Variants in R3HCC1L observed in about 807,000 individuals in gnomAD.
R3HCC1L encodes the protein R3H domain and coiled-coil containing 1 like, also known as coiled-coil domain-containing protein R3HCC1L.
Under a neutral mutation model 59.9 loss-of-function variants are expected in R3HCC1L, and 51 were observed. The ratio of observed to expected loss-of-function variants is 0.85; its 90% CI spans 0.68 to 1.07. The LOEUF (loss-of-function observed/expected upper bound fraction) is 1.07. R3HCC1L is among the 50% of genes least tolerant of loss of function. R3HCC1L has a pLI of 0.00. For synonymous variants in R3HCC1L, 322 were observed against 315.2 expected, an observed-to-expected ratio of 1.02 and a Z score of -0.23; for missense variants, 965 against 933.0, an observed-to-expected ratio of 1.03 and a Z score of -0.45.
intron 1 of R3HCC1L, among the ~76,000 whole-genome samples, chr10:98,153,312 C>T (rs1479113891): frequency 1.3e-5 from 2 of 152,080 alleles, no homozygotes; most frequent in Admixed American, 1.3e-4. Flanking sequence ...TGACCTTACC[C>T]CCAACCCTGT....
intron 4 of R3HCC1L, among the ~76,000 whole-genome samples, chr10:98,171,555 G>A (rs912084104): frequency 2.0e-5 from 3 of 152,110 alleles, no homozygotes; most frequent in Admixed American, 2.0e-4. Flanking sequence ...AATTCTCTGT[G>A]AATATAGGCT....
intron 4 of R3HCC1L, among the ~76,000 whole-genome samples, chr10:98,167,255 T>C (rs1848043839): frequency 6.6e-6 from 1 of 152,180 alleles, no homozygotes; most frequent in East Asian, 1.9e-4. Context: ...TTGTAATTAT[T>C]TGTTATTCTT....
Position 98,152,096 on chromosome 10 carries a change from G to T in R3HCC1L, c.-267-3997G>T, listed in dbSNP as rs575468377. On this transcript the variant is annotated intron_variant, in intron 1 of 9. Transcript: ENST00000298999. ...GCCTGCCGAGTGCCTGCGATTGCAG[G>T]CGCGCGCCGCCACGCCTGACTGGTT... 1.2e-3 allele frequency among the ~76,000 whole-genome samples: 185 copies of T among 152,294 alleles called. 1 individual carries two copies. The highest frequency in any genetic ancestry group is 2.4e-3 in the Non-Finnish European group (161 of 68,010).
rs1856793075 is a variant in R3HCC1L, at chr10:98,235,205, A to G, written c.2033-220A>G. ...GTAAAATAATAAAATTACTTTGTAA[A>G]TAAATATAAAAACAGGTGGTTGGCT... On this transcript the variant is annotated intron_variant, in intron 7 of 9. Transcript: ENST00000298999. Among the ~76,000 whole-genome samples, 3 of 152,206 alleles carry G rather than the reference A, an allele frequency of 2.0e-5. No individual in the cohort carries two copies. The South Asian group carries it at 6.2e-4, about 32-fold the overall frequency.
At position 98,210,021 on chromosome 10, in the gene R3HCC1L, G is replaced by A. The variant is rs1398156358; in HGVS notation, c.1785+122G>A. 2.9e-5 allele frequency: 21 copies of A among 726,714 alleles called. No homozygotes were observed. In the East Asian group the frequency reaches 5.5e-4, roughly 19 times the overall value. 45.0% of individuals were successfully genotyped at this position (726,714 alleles called of 1,614,324 possible). ...AAGAGTTCCTGCAATAAACTAATAG[G>A]CTTGTAGATTAAGAAGAGAATATCT... On this transcript the variant is annotated intron_variant, in intron 5 of 9. Transcript: ENST00000298999.
chr10:98,165,361 C>G (rs1487770257), intron 4 of R3HCC1L, among the ~76,000 whole-genome samples: 1 of 152,130 alleles, frequency 6.6e-6, no homozygotes, highest in Non-Finnish European at 1.5e-5. Context: ...ACTAGAAATA[C>G]CACATCATAC....
intron 5 of R3HCC1L, among the ~76,000 whole-genome samples, chr10:98,226,156 A>G (rs532873776): frequency 5.9e-4 from 90 of 152,264 alleles, no homozygotes; most frequent in African/African-American, 1.8e-3. Context: ...ATTTCTCAGG[A>G]TTTATATTTC....
At chr10:98,144,663 G>T (rs577606591) in intron 1 of R3HCC1L, among the ~76,000 whole-genome samples, 4 of 152,220 alleles carry the variant, frequency 2.6e-5, no homozygotes, top group Non-Finnish European at 4.4e-5. Context: ...GATTTCCAAA[G>T]TATTGACACA....
At chr10:98,227,999 G>C (rs183380621) in intron 5 of R3HCC1L, among the ~76,000 whole-genome samples, 60 of 152,218 alleles carry the variant, frequency 3.9e-4, no homozygotes, top group African/African-American at 1.4e-3. Context: ...CATTTGGGTT[G>C]GTTCCGAGTC....
chr10:98,217,586 A>T (rs552179170), intron 5 of R3HCC1L, among the ~76,000 whole-genome samples: 1 of 152,262 alleles, frequency 6.6e-6, no homozygotes, highest in African/African-American at 2.4e-5. Context: ...GATTGCATTG[A>T]ATCTTTAGAT....
intron 4 of R3HCC1L, among the ~76,000 whole-genome samples, chr10:98,200,896 C>G (rs1851963394): frequency 6.6e-6 from 1 of 152,164 alleles, no homozygotes; most frequent in Admixed American, 6.5e-5. Flanking sequence ...CCAAGGAATT[C>G]TACCAACAGT....
intron 4 of R3HCC1L, among the ~76,000 whole-genome samples, chr10:98,167,477 G>A (rs985366879): frequency 2.0e-5 from 3 of 152,180 alleles, no homozygotes; most frequent in African/African-American, 7.2e-5. Flanking sequence ...TCATTTATAA[G>A]TATTCATTTT....
intron 5 of R3HCC1L, among the ~76,000 whole-genome samples, chr10:98,225,280 G>A (rs1487475667): frequency 6.6e-6 from 1 of 152,132 alleles, no homozygotes; most frequent in Admixed American, 6.5e-5. Flanking sequence ...CTCTGTGTCA[G>A]TGGTCCTACC....
intron 9 of R3HCC1L, among the ~76,000 whole-genome samples, chr10:98,239,873 TTTAGTAG>T (rs1320697512): frequency 2.6e-5 from 4 of 152,070 alleles, no homozygotes; most frequent in Non-Finnish European, 4.4e-5. Context: ...ATTTTTTCCT[TTTAGTAG>T]TGATGGGGTC....
intron 4 of R3HCC1L, among the ~76,000 whole-genome samples, chr10:98,192,848 A>G (rs979975111): frequency 1.3e-5 from 2 of 152,210 alleles, no homozygotes; most frequent in African/African-American, 2.4e-5. Context: ...ACTACAGGCC[A>G]GTATCTCTGA....
At chr10:98,155,834 A>G (rs889139582) in intron 1 of R3HCC1L, among the ~76,000 whole-genome samples, 1 of 149,758 alleles carries the variant, frequency 6.7e-6, no homozygotes, top group African/African-American at 2.5e-5. Flanking sequence ...TGGAGTTTCT[A>G]TTATGGTAGA....
chr10:98,202,123 A>T (rs1011396732), intron 4 of R3HCC1L, among the ~76,000 whole-genome samples: 2 of 152,218 alleles, frequency 1.3e-5, no homozygotes, highest in East Asian at 3.9e-4. Flanking sequence ...AAGATAAATG[A>T]TTTACTTTTG....
chr10:98,169,952 C>G (rs1848355190), intron 4 of R3HCC1L, among the ~76,000 whole-genome samples: 1 of 147,606 alleles, frequency 6.8e-6, no homozygotes, highest in Non-Finnish European at 1.5e-5. Flanking sequence ...TTTCTTGTGC[C>G]AAGAATAGTC....
intron 5 of R3HCC1L, among the ~76,000 whole-genome samples, chr10:98,223,674 C>G (rs1465234289): frequency 1.3e-5 from 2 of 151,858 alleles, no homozygotes; most frequent in African/African-American, 4.8e-5. Flanking sequence ...TTTTCAATGG[C>G]TTAGGCTGTG....
Sources: gnomAD v4.1 joint callset for allele counts (sites outside exome capture counted in the v4.1 genomes callset) on GRCh38, gnomAD v4.1.1 for gene constraint, MANE v1.5 for transcripts, NCBI Gene and HGNC (gene_info 2026-07-23, HGNC 2026-07-21) for gene names.